VPS8: variants seen among roughly 807,000 people sequenced by gnomAD.
VPS8 encodes the protein VPS8 subunit of CORVET complex, also known as vacuolar protein sorting-associated protein 8 homolog.
VPS8 carries 129 observed loss-of-function variants against 216.4 expected under a neutral mutation model. The ratio of observed to expected loss-of-function variants is 0.60; its 90% confidence interval spans 0.52 to 0.69. The LOEUF is 0.69. Among genes scored for constraint, VPS8 ranks in the 30% least tolerant of loss-of-function variants. The pLI, the probability that VPS8 is intolerant of heterozygous loss-of-function variation, is 0.00. For synonymous variants in VPS8, 571 were observed against 565.4 expected (o/e 1.01, Z -0.14); for missense variants, 1,531 against 1,683.5 (o/e 0.91, Z 1.59).
At chr3:184,971,552 A>G in intron 39 of VPS8, 97 bp from the exon 40 acceptor site, 2 of 739,794 alleles carry the variant, frequency 2.7e-6, no homozygotes, top group Non-Finnish European at 4.4e-6. Flanking sequence ...TAGAAAATGA[A>G]GGTGATGCAA....
intron 8 of VPS8, among the ~76,000 whole-genome samples, chr3:184,847,460 G>A (rs945384164): frequency 6.6e-6 from 1 of 152,170 alleles, no homozygotes; most frequent in Non-Finnish European, 1.5e-5. Flanking sequence ...CATTAAGCAA[G>A]GTGCTTTGGG....
chr3:185,021,603 A>G (rs1359475994), intron 45 of VPS8, among the ~76,000 whole-genome samples: 1 of 152,242 alleles, frequency 6.6e-6, no homozygotes, highest in African/African-American at 2.4e-5. Flanking sequence ...AGTGAATTCC[A>G]GCGTATTAAT....
chr3:184,929,218 A>G (rs540749923), intron 32 of VPS8, among the ~76,000 whole-genome samples: 2 of 152,168 alleles, frequency 1.3e-5, no homozygotes, highest in Admixed American at 6.5e-5. Context: ...TTTTGAGACA[A>G]AGTCTCCCTC....
chr3:184,971,590 G>A, intron 39 of VPS8, 59 bp from the exon 40 acceptor site: 1 of 1,346,958 alleles, frequency 7.4e-7, no homozygotes, highest in Non-Finnish European at 1.0e-6. Context: ...TTTTCACAGA[G>A]GCTCTGAGAT....
intron 45 of VPS8, among the ~76,000 whole-genome samples, chr3:185,010,002 A>G (rs1754790153): frequency 6.6e-6 from 1 of 151,674 alleles, no homozygotes; most frequent in Non-Finnish European, 1.5e-5. Flanking sequence ...AAAAAAAAAA[A>G]AAAAGGTGCC....
At chr3:184,814,801 A>T (rs915379812) in intron 1 of VPS8, among the ~76,000 whole-genome samples, 6 of 152,048 alleles carry the variant, frequency 3.9e-5, no homozygotes, top group African/African-American at 9.7e-5. Context: ...TTTATTAAAA[A>T]TTTTTTCTTT....
chr3:184,978,185 T>A (rs1749611486), intron 40 of VPS8, among the ~76,000 whole-genome samples: 1 of 152,150 alleles, frequency 6.6e-6, no homozygotes, highest in Admixed American at 6.5e-5. Context: ...TTTCCAGGAA[T>A]TTATTCATTT....
intron 46 of VPS8, among the ~76,000 whole-genome samples, chr3:185,034,772 C>A (rs144253886): frequency 1.6e-3 from 249 of 151,718 alleles, no homozygotes; most frequent in African/African-American, 5.8e-3. Context: ...GGAGACTTAG[C>A]AAAAAAATAT....
At chr3:184,934,032 T>C (rs1192622386) in intron 34 of VPS8, among the ~76,000 whole-genome samples, 1 of 152,246 alleles carries the variant, frequency 6.6e-6, no homozygotes, top group Non-Finnish European at 1.5e-5. Context: ...TCAATAATTT[T>C]GAAGATAATT....
At chr3:184,996,274 C>G in intron 43 of VPS8, 58 bp from the exon 44 acceptor site, 1 of 1,509,770 alleles carries the variant, frequency 6.6e-7, no homozygotes. Flanking sequence ...TTCATCTCCT[C>G]TATCTCTTTC....
intron 28 of VPS8, among the ~76,000 whole-genome samples, chr3:184,918,625 T>A (rs1738036930): frequency 6.6e-6 from 1 of 152,230 alleles, no homozygotes; most frequent in Non-Finnish European, 1.5e-5. Flanking sequence ...GAGTGACTAC[T>A]TGCTGCCAAA....
intron 25 of VPS8, among the ~76,000 whole-genome samples, chr3:184,911,346 T>C (rs1481575158): frequency 6.6e-6 from 1 of 152,230 alleles, no homozygotes; most frequent in Non-Finnish European, 1.5e-5. Context: ...AGGAATATCG[T>C]GAGCTAGATA....
At chr3:184,872,633 G>T (rs899273360) in intron 21 of VPS8, among the ~76,000 whole-genome samples, 1 of 151,994 alleles carries the variant, frequency 6.6e-6, no homozygotes. Context: ...CAATGGAGGG[G>T]ACTATTTCTC....
intron 45 of VPS8, among the ~76,000 whole-genome samples, chr3:185,014,028 T>C (rs1316328349): frequency 2.0e-5 from 3 of 152,218 alleles, no homozygotes; most frequent in Admixed American, 1.3e-4. Flanking sequence ...AGCTTTATTA[T>C]GGTAAATCCT....
intron 25 of VPS8, among the ~76,000 whole-genome samples, chr3:184,902,570 A>G (rs1335072266): frequency 1.5e-4 from 21 of 139,830 alleles, no homozygotes; most frequent in African/African-American, 5.6e-4. Flanking sequence ...TGTGGCTCAC[A>G]CCTGTAATCC....
chr3:184,847,466 T>G (rs1435998815), intron 8 of VPS8, among the ~76,000 whole-genome samples: 1 of 152,184 alleles, frequency 6.6e-6, no homozygotes, highest in Non-Finnish European at 1.5e-5. Flanking sequence ...GCAAGGTGCT[T>G]TGGGAGTGTT....
intron 45 of VPS8, among the ~76,000 whole-genome samples, chr3:185,019,896 C>A (rs1375813277): frequency 6.6e-6 from 1 of 152,156 alleles, no homozygotes; most frequent in African/African-American, 2.4e-5. Context: ...TGGTTCAGGC[C>A]AGGTTTTGCT....
chr3:184,968,559 A>G (rs1364592194), intron 39 of VPS8, among the ~76,000 whole-genome samples: 1 of 152,096 alleles, frequency 6.6e-6, no homozygotes, highest in African/African-American at 2.4e-5. Context: ...CTTTTTTTTA[A>G]TAGTAGCTAT....
chr3:184,915,170 G>A, intron 27 of VPS8, 117 bp downstream of exon 27: 1 of 1,344,676 alleles, frequency 7.4e-7, no homozygotes, highest in Non-Finnish European at 1.0e-6. Context: ...TTGCAGGAGA[G>A]AGCTTACACA....
Sources: gnomAD v4.1 joint callset for allele counts (sites outside exome capture counted in the v4.1 genomes callset) on GRCh38, gnomAD v4.1.1 for gene constraint, MANE v1.5 for transcripts, NCBI Gene and HGNC (gene_info 2026-07-23, HGNC 2026-07-21) for gene names.